GRID2: variants seen among roughly 807,000 people sequenced by gnomAD.
The protein encoded by GRID2 is glutamate receptor ionotropic, delta-2.
GRID2 carries 33 observed loss-of-function variants against 114.8 expected under a neutral mutation model. The observed-to-expected ratio is 0.29, with a 90% CI of 0.22 to 0.38. The LOEUF is 0.38. GRID2 is among the 10% of genes least tolerant of loss of function. The pLI is 1.00. For missense variants in GRID2, 1,184 were observed against 1,257.7 expected (o/e 0.94, Z 0.89); for synonymous variants, 505 against 449.9 (o/e 1.12, Z -1.55).
Position 92,594,901 on chromosome 4 carries a change from T to C in GRID2, c.244+4615T>C, listed in dbSNP as rs1427088825. ...GCTCTTAGCTGAGATGAACATAAAATGGGCCATGAAAGGTGGAAATTTATA... is the reference window on the plus strand; with the variant it reads ...GCTCTTAGCTGAGATGAACATAAAACGGGCCATGAAAGGTGGAAATTTATA... On this transcript the variant is annotated intron_variant, in intron 2 of 15. Coordinates refer to ENST00000282020, the MANE Select transcript of GRID2 (RefSeq NM_001510.4). Among the ~76,000 whole-genome samples the C allele has an allele frequency of 1.2e-3, 177 of 152,000 alleles. 3 individuals are homozygous for C. Among genetic ancestry groups the C allele is most frequent in the Non-Finnish European group, 8.8e-5 (6 of 67,866 alleles).
At chr4:93,243,104 GA>G (rs1747735240) in intron 8 of GRID2, among the ~76,000 whole-genome samples, 1 of 151,840 alleles carries the variant, frequency 6.6e-6, no homozygotes, top group African/African-American at 2.4e-5. Context: ...TTTGACACTT[GA>G]AATTTTTTTT....
intron 1 of GRID2, among the ~76,000 whole-genome samples, chr4:92,440,164 A>T (rs1176312075): frequency 2.1e-5 from 3 of 146,070 alleles, no homozygotes; most frequent in African/African-American, 7.3e-5. Context: ...GAGCTTGGTG[A>T]GGTGTGTTTT....
At chr4:92,596,708 C>A (rs1287394504) in intron 2 of GRID2, among the ~76,000 whole-genome samples, 2 of 150,286 alleles carry the variant, frequency 1.3e-5, no homozygotes, top group African/African-American at 4.9e-5. Context: ...AAAAAAAAAA[C>A]AGCTCACACA....
intron 13 of GRID2, among the ~76,000 whole-genome samples, chr4:93,558,725 A>C (rs1459014910): frequency 6.6e-6 from 1 of 152,216 alleles, no homozygotes; most frequent in African/African-American, 2.4e-5. Context: ...ATCCTCCCTG[A>C]CTCATTTTAT....
intron 2 of GRID2, among the ~76,000 whole-genome samples, chr4:92,908,967 A>T (rs1333243450): frequency 6.6e-6 from 1 of 152,136 alleles, no homozygotes; most frequent in Non-Finnish European, 1.5e-5. Flanking sequence ...TGAGAAATAA[A>T]TTTGCTGAGT....
intron 2 of GRID2, among the ~76,000 whole-genome samples, chr4:92,994,888 A>T (rs1342961287): frequency 6.6e-6 from 1 of 152,204 alleles, no homozygotes; most frequent in Non-Finnish European, 1.5e-5. Flanking sequence ...GCCAGCTCAC[A>T]CAGGCATATT....
At chr4:93,240,776 T>G (rs950672870) in intron 8 of GRID2, among the ~76,000 whole-genome samples, 1 of 151,164 alleles carries the variant, frequency 6.6e-6, no homozygotes, top group Non-Finnish European at 1.5e-5. Flanking sequence ...TTTATATATA[T>G]ACGGGGTAAG....
At chr4:92,367,490 G>A (rs7685835) in intron 1 of GRID2, among the ~76,000 whole-genome samples, 49,553 of 151,594 alleles carry the variant, frequency 0.33, 8,255 homozygotes, top group African/African-American at 0.41. Flanking sequence ...AATGAGAGGA[G>A]GAATGAGAGG....
chr4:92,642,662 T>G (rs898168912), intron 2 of GRID2, among the ~76,000 whole-genome samples: 3 of 150,296 alleles, frequency 2.0e-5, no homozygotes, highest in African/African-American at 7.3e-5. Context: ...TTAGTTTAAC[T>G]AGCTCCCATT....
chr4:93,270,215 TACACACACACACAC>T (rs34945534), intron 8 of GRID2, among the ~76,000 whole-genome samples: 100 of 137,174 alleles, frequency 7.3e-4, no homozygotes, highest in South Asian at 1.7e-3. Flanking sequence ...CACACACACA[TACACACACACACAC>T]ACACACACAC....
intron 2 of GRID2, among the ~76,000 whole-genome samples, chr4:92,932,256 G>A (rs767323840): frequency 2.6e-5 from 4 of 150,978 alleles, no homozygotes; most frequent in Non-Finnish European, 5.9e-5. Context: ...AAAAGACTTG[G>A]GTCGTCACCT....
intron 2 of GRID2, among the ~76,000 whole-genome samples, chr4:92,813,033 T>A (rs1740728837): frequency 6.6e-6 from 1 of 152,174 alleles, no homozygotes; most frequent in African/African-American, 2.4e-5. Flanking sequence ...TTGTGGCTTT[T>A]TAAGATATGT....
At chr4:92,628,911 C>A (rs1200101419) in intron 2 of GRID2, among the ~76,000 whole-genome samples, 1 of 151,610 alleles carries the variant, frequency 6.6e-6, no homozygotes, top group Non-Finnish European at 1.5e-5. Context: ...TTCACTTTTT[C>A]TTTGTGTGTT....
chr4:92,475,253 A>G (rs369420693), intron 1 of GRID2, among the ~76,000 whole-genome samples: 47 of 151,758 alleles, frequency 3.1e-4, no homozygotes, highest in African/African-American at 1.0e-3. Flanking sequence ...GCCAAGATCA[A>G]TGTCATAGAA....
intron 1 of GRID2, among the ~76,000 whole-genome samples, chr4:92,550,805 T>C (rs1007536510): frequency 6.6e-6 from 1 of 152,130 alleles, no homozygotes; most frequent in Middle Eastern, 3.2e-3. Context: ...TTGAACTAAA[T>C]TCATTTTAAG....
At chr4:93,215,962 C>G (rs770787094) in intron 5 of GRID2, among the ~76,000 whole-genome samples, 1 of 151,952 alleles carries the variant, frequency 6.6e-6, no homozygotes, top group Non-Finnish European at 1.5e-5. Flanking sequence ...TATTAAGCAC[C>G]AACTTCTCTA....
intron 1 of GRID2, among the ~76,000 whole-genome samples, chr4:92,433,832 A>C (rs543214430): frequency 1.3e-5 from 2 of 152,258 alleles, no homozygotes; most frequent in East Asian, 3.9e-4. Flanking sequence ...TAATTTATCA[A>C]ATCAGTAATT....
At chr4:93,402,218 C>G (rs1485012) in intron 9 of GRID2, among the ~76,000 whole-genome samples, 31,641 of 152,028 alleles carry the variant, frequency 0.21, 5,866 homozygotes, top group African/African-American at 0.5. Context: ...AAAAAGCACT[C>G]AACTTGCAGT....
Position 92,704,744 on chromosome 4 carries a change from T to C in GRID2, c.244+114458T>C, listed in dbSNP as rs1023064995. ...CTCTTTCTCTCTCTCTCTCTCTCTC[T>C]CCCTCCCTCTCTCCCTCTCTGCCCC... On this transcript the variant is annotated intron_variant, in intron 2 of 15. Transcript: ENST00000282020. 1.5e-4 allele frequency among the ~76,000 whole-genome samples: 22 copies of C among 147,634 alleles called. 1 individual carries two copies. Among genetic ancestry groups the C allele is most frequent in the East Asian group, 1.2e-3 (6 of 4,826 alleles).
Sources: gnomAD v4.1 joint callset for allele counts (sites outside exome capture counted in the v4.1 genomes callset) on GRCh38, gnomAD v4.1.1 for gene constraint, MANE v1.5 for transcripts, NCBI Gene and HGNC (gene_info 2026-07-23, HGNC 2026-07-21) for gene names.